Variants in DMD observed in about 807,000 individuals in gnomAD.
The protein encoded by DMD is dystrophin, also known as mutant dystrophin.
Under a neutral mutation model 330.1 loss-of-function variants are expected in DMD, and 63 were observed. The observed-to-expected ratio is 0.19, with a 90% CI of 0.16 to 0.24. The LOEUF (loss-of-function observed/expected upper bound fraction) is 0.24, where lower values mean the gene tolerates loss of function less well. Among genes scored for constraint, DMD ranks in the 10% least tolerant of loss-of-function variants. The pLI is 1.00. For synonymous variants in DMD, 1,223 were observed against 959.8 expected, an observed-to-expected ratio of 1.27 and a Z score of -5.07; for missense variants, 3,344 against 2,684.1, an observed-to-expected ratio of 1.25 and a Z score of -5.43.
intron 52 of DMD, among the ~76,000 whole-genome samples, chrX:31,706,044 T>C (rs1483228321): frequency 9.0e-6 from 1 of 110,955 alleles, no homozygotes; most frequent in Non-Finnish European, 1.9e-5. Flanking sequence ...AGTGAACCTC[T>C]TGGGTGGTCA....
chrX:31,980,352 A>C (rs2095468317), intron 44 of DMD, among the ~76,000 whole-genome samples: 1 of 112,306 alleles, frequency 8.9e-6, no homozygotes, highest in African/African-American at 3.2e-5. Flanking sequence ...ATAGAATATT[A>C]ATCATCAATA....
intron 4 of DMD, among the ~76,000 whole-genome samples, chrX:32,824,370 A>T (rs1299634973): frequency 8.9e-6 from 1 of 112,320 alleles, no homozygotes; most frequent in African/African-American, 3.2e-5. Flanking sequence ...TCAGGGGTAG[A>T]TAAACAAACC....
chrX:32,474,300 T>A (rs1202362530), intron 21 of DMD, among the ~76,000 whole-genome samples: 1 of 111,539 alleles, frequency 9.0e-6, no homozygotes, highest in Non-Finnish European at 1.9e-5. Flanking sequence ...ACGATTGTGC[T>A]GGTGTGAACT....
chrX:31,818,489 A>G (rs1285068733), intron 50 of DMD, among the ~76,000 whole-genome samples: 1 of 111,206 alleles, frequency 9.0e-6, no homozygotes, highest in Non-Finnish European at 1.9e-5. Flanking sequence ...CGTGGCTTAT[A>G]TGGGACATAA....
At chrX:32,244,235 T>G (rs1333871678) in intron 43 of DMD, among the ~76,000 whole-genome samples, 2 of 106,577 alleles carry the variant, frequency 1.9e-5, no homozygotes, top group Non-Finnish European at 3.9e-5. Context: ...CTTGCGATAG[T>G]TTACTGAGAA....
At chrX:31,986,797 C>T (rs1054689480) in intron 44 of DMD, among the ~76,000 whole-genome samples, 17 of 111,960 alleles carry the variant, frequency 1.5e-4, no homozygotes, top group African/African-American at 4.9e-4. Context: ...AAAGTGAAAC[C>T]GCCATATTGC....
intron 1 of DMD, among the ~76,000 whole-genome samples, chrX:33,056,105 C>T (rs1025892308): frequency 9.1e-6 from 1 of 110,266 alleles, no homozygotes; most frequent in Non-Finnish European, 1.9e-5. Flanking sequence ...AGCTTTAGCA[C>T]ATAGACAGTC....
At chrX:31,374,886 C>T (rs148836972) in intron 60 of DMD, among the ~76,000 whole-genome samples, 3,658 of 111,082 alleles carry the variant, frequency 0.033, 62 homozygotes, top group Non-Finnish European at 0.052. Flanking sequence ...GACACCGTGG[C>T]GCTCCACCCT....
chrX:32,365,280 G>T (rs2097850661), intron 34 of DMD, 81 bp from the exon 35 acceptor site: 1 of 984,442 alleles, frequency 1.0e-6, no homozygotes, highest in Non-Finnish European at 1.4e-6. Context: ...TTTCTGTATG[G>T]TTACTATGAT....
chrX:32,645,906 T>A (rs941060568), intron 9 of DMD, among the ~76,000 whole-genome samples: 1 of 112,046 alleles, frequency 8.9e-6, no homozygotes, highest in Non-Finnish European at 1.9e-5. Flanking sequence ...TCCATAATTC[T>A]AAAGAGAAGA....
chrX:32,230,619 G>A (rs145357661), intron 43 of DMD, among the ~76,000 whole-genome samples: 1,950 of 111,976 alleles, frequency 0.017, 46 homozygotes, highest in African/African-American at 0.059. Context: ...AGAACAAGTA[G>A]TAAAACAATC....
At chrX:32,752,183 G>A (rs2070912648) in intron 7 of DMD, among the ~76,000 whole-genome samples, 1 of 111,538 alleles carries the variant, frequency 9.0e-6, no homozygotes, top group Non-Finnish European at 1.9e-5. Context: ...TAGATCCACT[G>A]GCAGCTTGCA....
intron 78 of DMD, among the ~76,000 whole-genome samples, chrX:31,122,623 T>G (rs1488697300): frequency 8.9e-6 from 1 of 111,840 alleles, no homozygotes; most frequent in East Asian, 2.8e-4. Context: ...TTAGGAAACC[T>G]CAGAATAAAA....
intron 55 of DMD, among the ~76,000 whole-genome samples, chrX:31,526,981 G>A (rs1219676084): frequency 4.5e-5 from 5 of 111,052 alleles, no homozygotes; most frequent in African/African-American, 9.8e-5. Context: ...GTGGTGGCAC[G>A]TGCCTGTAGT....
At chrX:32,392,651 T>C (rs1390654360) in intron 30 of DMD, among the ~76,000 whole-genome samples, 1 of 112,201 alleles carries the variant, frequency 8.9e-6, no homozygotes, top group Non-Finnish European at 1.9e-5. Flanking sequence ...GAAGTTTATT[T>C]CTTCAGCTCT....
intron 2 of DMD, among the ~76,000 whole-genome samples, chrX:32,936,414 C>T (rs1335721778): frequency 2.7e-5 from 3 of 111,867 alleles, no homozygotes; most frequent in Non-Finnish European, 3.8e-5. Context: ...GCCCAGCTTA[C>T]TTGTATCTCT....
At chrX:32,278,308 A>G (rs1162778914) in intron 43 of DMD, among the ~76,000 whole-genome samples, 2 of 111,609 alleles carry the variant, frequency 1.8e-5, no homozygotes, top group Non-Finnish European at 3.8e-5. Flanking sequence ...ACACAACTGA[A>G]GCCTTAGTAA....
At chrX:31,170,445 G>C (rs1035629598) in intron 73 of DMD, among the ~76,000 whole-genome samples, 6 of 110,678 alleles carry the variant, frequency 5.4e-5, no homozygotes, top group African/African-American at 2.0e-4. Flanking sequence ...ATTGCTCCAA[G>C]CTCCGGAAAG....
chrX:33,239,730 C>T (rs1458383624), intron 1 of DMD, among the ~76,000 whole-genome samples: 2 of 111,510 alleles, frequency 1.8e-5, no homozygotes, highest in African/African-American at 6.5e-5. Context: ...CAAATGCATT[C>T]CCTCACATGT....
Sources: gnomAD v4.1 joint callset for allele counts (sites outside exome capture counted in the v4.1 genomes callset) on GRCh38, gnomAD v4.1.1 for gene constraint, MANE v1.5 for transcripts, NCBI Gene and HGNC (gene_info 2026-07-23, HGNC 2026-07-21) for gene names.